The following NAV2 variants were observed in gnomAD, a reference collection of about 807,000 sequenced individuals.
NAV2 encodes the protein helicase, APC down-regulated 1.
NAV2 carries 54 observed loss-of-function variants against 223.2 expected under a neutral mutation model. That is an observed-to-expected ratio of 0.24 (90% CI 0.19 to 0.30). The LOEUF (loss-of-function observed/expected upper bound fraction) is 0.30, where lower values mean the gene tolerates loss of function less well. NAV2 is among the 10% of genes least tolerant of loss of function. The pLI is 1.00. For synonymous variants in NAV2, 1,279 were observed against 1,239.3 expected, an observed-to-expected ratio of 1.03 and a Z score of -0.67; for missense variants, 2,806 against 3,147.5, an observed-to-expected ratio of 0.89 and a Z score of 2.60.
chr11:19,899,604 T>C (rs1379443555), intron 6 of NAV2, among the ~76,000 whole-genome samples: 1 of 152,166 alleles, frequency 6.6e-6, no homozygotes. Context: ...AGACACAGAC[T>C]CTGCTTCCCA....
At chr11:19,615,436 G>A (rs1442198223) in intron 1 of NAV2, among the ~76,000 whole-genome samples, 1 of 151,876 alleles carries the variant, frequency 6.6e-6, no homozygotes, top group African/African-American at 2.4e-5. Context: ...CTTAGGCAAT[G>A]TCTAACAGAG....
At chr11:20,029,303 C>G (rs2055450031) in intron 11 of NAV2, among the ~76,000 whole-genome samples, 1 of 152,148 alleles carries the variant, frequency 6.6e-6, no homozygotes. Context: ...TCTGTGGAAG[C>G]CTGGAGCAAA....
At chr11:19,960,143 G>T (rs1265678658) in intron 10 of NAV2, among the ~76,000 whole-genome samples, 1 of 152,286 alleles carries the variant, frequency 6.6e-6, no homozygotes, top group Admixed American at 6.5e-5. Flanking sequence ...AAGAGGAGGA[G>T]TCGGTTATTT....
intron 22 of NAV2, among the ~76,000 whole-genome samples, chr11:20,074,189 T>A (rs2059579617): frequency 6.6e-6 from 1 of 152,346 alleles, no homozygotes; most frequent in Middle Eastern, 3.4e-3. Flanking sequence ...TTTCCTTATG[T>A]ACCCAGTAGT....
At chr11:19,655,578 C>T (rs916727502) in intron 1 of NAV2, among the ~76,000 whole-genome samples, 5 of 152,042 alleles carry the variant, frequency 3.3e-5, no homozygotes, top group African/African-American at 1.2e-4. Flanking sequence ...AGGATGAGTT[C>T]ATGTCCTTTG....
intron 1 of NAV2, among the ~76,000 whole-genome samples, chr11:19,798,997 G>C (rs932157443): frequency 6.6e-6 from 1 of 152,186 alleles, no homozygotes; most frequent in African/African-American, 2.4e-5. Context: ...TGCATGAGGT[G>C]GTTAAGGAGA....
At chr11:19,730,745 C>T (rs567869695) in intron 1 of NAV2, among the ~76,000 whole-genome samples, 1 of 152,244 alleles carries the variant, frequency 6.6e-6, no homozygotes, top group South Asian at 2.1e-4. Context: ...CCTTGCTCAC[C>T]GGACACCAGG....
chr11:19,871,139 A>C (rs2062462128), intron 4 of NAV2, among the ~76,000 whole-genome samples: 1 of 152,186 alleles, frequency 6.6e-6, no homozygotes, highest in Non-Finnish European at 1.5e-5. Flanking sequence ...TAACTGCCTT[A>C]ACTGTGCTAT....
intron 1 of NAV2, among the ~76,000 whole-genome samples, chr11:19,791,858 T>C (rs1384775579): frequency 2.0e-5 from 3 of 152,204 alleles, no homozygotes; most frequent in Non-Finnish European, 4.4e-5. Flanking sequence ...AGTGTGGAGA[T>C]GGTCATTCCT....
intron 1 of NAV2, among the ~76,000 whole-genome samples, chr11:19,793,391 A>T (rs1164924596): frequency 6.6e-6 from 1 of 152,186 alleles, no homozygotes; most frequent in East Asian, 1.9e-4. Context: ...AACTTTTATG[A>T]TGATTGAATT....
At position 19,933,882 on chromosome 11, in the gene NAV2, G is replaced by T. The variant is rs1341858261; in HGVS notation, c.1638G>T (p.Gly546=). The change falls in exon 7 of 38, where the codon GGG becomes GGT. Residue 546 remains glycine (G), a synonymous_variant. Transcript: ENST00000349880. This position sits in a 1 kb window ranked among gnomAD's most constrained non-coding sequence, Gnocchi z 4.3. ...SSKIASFIPK[G]GKLNSAKKEP... is the part of the protein sequence containing the mutation. The stretch of plus-strand genomic sequence containing the variant: ...AGATTGCCAGCTTCATCCCCAAAGG[G>T]GGGAAGCTCAACAGTGCCAAGAAGG... The T allele has an allele frequency of 8.1e-6, 13 of 1,598,760 alleles. No homozygotes were observed. Among genetic ancestry groups the T allele is most frequent in the African/African-American group, 1.4e-5 (1 of 73,732 alleles).
At chr11:19,980,858 T>C (rs2153448170) in intron 10 of NAV2, among the ~76,000 whole-genome samples, 1 of 152,344 alleles carries the variant, frequency 6.6e-6, no homozygotes, top group South Asian at 2.1e-4. Flanking sequence ...TAAATTAATT[T>C]CTTGAGTGTG....
intron 1 of NAV2, among the ~76,000 whole-genome samples, chr11:19,662,488 C>T (rs962739866): frequency 1.3e-5 from 2 of 152,232 alleles, no homozygotes; most frequent in African/African-American, 4.8e-5. Context: ...GAAAGAATAG[C>T]AATTGCTGAG....
chr11:19,765,314 T>C (rs2055108603), intron 1 of NAV2, among the ~76,000 whole-genome samples: 1 of 151,884 alleles, frequency 6.6e-6, no homozygotes. Flanking sequence ...ATCATCTTCT[T>C]CTCCTCCTCC....
intron 1 of NAV2, among the ~76,000 whole-genome samples, chr11:19,656,442 G>C (rs189875359): frequency 2.0e-5 from 3 of 152,218 alleles, no homozygotes; most frequent in African/African-American, 4.8e-5. Context: ...GGCCATTGTG[G>C]TGAAATGCCG....
At chr11:19,381,066 C>T (rs1409256849) in intron 1 of NAV2, among the ~76,000 whole-genome samples, 2 of 152,220 alleles carry the variant, frequency 1.3e-5, no homozygotes, top group Non-Finnish European at 2.9e-5. Flanking sequence ...CTCTCTGCTT[C>T]CTAGAAGCCT....
At chr11:19,394,298 G>A (rs11025115) in intron 1 of NAV2, among the ~76,000 whole-genome samples, 7,952 of 152,200 alleles carry the variant, frequency 0.052, 241 homozygotes, top group South Asian at 0.13. Context: ...GGTATAGACA[G>A]TACTTTTATA....
At chr11:19,796,618 A>G (rs1216704126) in intron 1 of NAV2, among the ~76,000 whole-genome samples, 1 of 152,204 alleles carries the variant, frequency 6.6e-6, no homozygotes, top group Non-Finnish European at 1.5e-5. Context: ...GCTGACCCTG[A>G]AACTGGTGTG....
chr11:19,857,674 A>G (rs2061476968), intron 3 of NAV2, among the ~76,000 whole-genome samples: 1 of 152,012 alleles, frequency 6.6e-6, no homozygotes, highest in Non-Finnish European at 1.5e-5. Flanking sequence ...TTTTTCTTAA[A>G]GTTTGAGTCC....
Sources: allele counts gnomAD v4.1 joint callset (sites outside exome capture counted in the v4.1 genomes callset), GRCh38; gene constraint gnomAD v4.1.1; non-coding constraint Gnocchi (gnomAD v3.1); transcripts MANE v1.5; gene names NCBI Gene and HGNC (gene_info 2026-07-23, HGNC 2026-07-21).